ZNF623: variants seen among roughly 807,000 people sequenced by gnomAD.
ZNF623 encodes the protein zinc finger protein 623.
ZNF623 carries 16 observed loss-of-function variants against 24.0 expected under a neutral mutation model. The observed-to-expected ratio is 0.67, with a 90% CI of 0.45 to 1.01. The LOEUF (loss-of-function observed/expected upper bound fraction) is 1.01, where lower values mean the gene tolerates loss of function less well. ZNF623 is among the 50% of genes least tolerant of loss of function. ZNF623 has a pLI of 0.00. For missense variants in ZNF623, 566 were observed against 606.5 expected (o/e 0.93, Z 0.70); for synonymous variants, 224 against 219.8 (o/e 1.02, Z -0.17).
At position 143,636,886 on chromosome 8, in the gene ZNF623, G is replaced by T. The variant is rs112443372; in HGVS notation, c.-96+741G>T. ...TCCCTTCACACACAGGCTACGTCAT[G>T]GTCCAGGGACTCTCAGGGTCTGGGC... On this transcript the variant is annotated intron_variant, in intron 1 of 1. Coordinates refer to ENST00000526926, the MANE Select transcript of ZNF623 (RefSeq NM_001261843.2). Among the ~76,000 whole-genome samples, 137 of 152,298 alleles carry T rather than the reference G, an allele frequency of 9.0e-4. 2 individuals carry two copies. Among genetic ancestry groups the T allele is most frequent in the African/African-American group, 3.1e-3 (129 of 41,568 alleles).
chr8:143,649,289 A>G (rs548715049), intron 1 of ZNF623, among the ~76,000 whole-genome samples: 2 of 146,384 alleles, frequency 1.4e-5, no homozygotes, highest in Non-Finnish European at 1.5e-5. Flanking sequence ...AAAAAAAAAA[A>G]ACAAAAACAA....
In ZNF623 at chr8:143,650,551, A is replaced by G. The variant is rs1324693241; in HGVS notation, c.559A>G (p.Arg187Gly). Residue 187 changes from arginine (R) to glycine (G), a missense_variant, in exon 2 of 2, where the codon AGA becomes GGA. Transcript: ENST00000526926. The surrounding 1 kb of genome is among the most constrained non-coding windows in gnomAD (Gnocchi z 5.2). The stretch of plus-strand genomic sequence containing the variant: ...CAGTTCAGACCTGATTAGGCACCAG[A>G]GAGTTCACACCAGAGAGAGACCTTT... ...CHSSDLIRHQ[R>G]VHTRERPFEC... is the part of the protein sequence containing the mutation. The G allele has an allele frequency of 1.2e-6, 2 of 1,614,128 alleles. No individual in the cohort carries two copies. Among genetic ancestry groups the G allele is most frequent in the Admixed American group, 1.7e-5 (1 of 60,002 alleles).
intron 1 of ZNF623, among the ~76,000 whole-genome samples, chr8:143,647,574 C>T (rs937192754): frequency 3.9e-5 from 6 of 152,240 alleles, no homozygotes; most frequent in South Asian, 2.1e-4. Flanking sequence ...AGTCTTTCTA[C>T]GAAAGTGCAA....
chr8:143,644,947 G>A (rs1250036992), intron 1 of ZNF623, among the ~76,000 whole-genome samples: 3 of 150,704 alleles, frequency 2.0e-5, no homozygotes, highest in Non-Finnish European at 4.4e-5. Flanking sequence ...TAACCAACAC[G>A]GAGAAACCCC....
At chr8:143,639,183 T>G (rs1814992664) in intron 1 of ZNF623, among the ~76,000 whole-genome samples, 1 of 146,702 alleles carries the variant, frequency 6.8e-6, no homozygotes, top group African/African-American at 2.5e-5. Flanking sequence ...TGAGCCACCA[T>G]GTCCGGCCCA....
Position 143,650,528 on chromosome 8 carries a change from G to A in ZNF623, c.536G>A (p.Ser179Asn). 2 of 1,614,194 alleles carry A rather than the reference G, an allele frequency of 1.2e-6. No homozygotes were observed. The highest frequency in any genetic ancestry group is 1.3e-5 in the African/African-American group (1 of 75,040). The change falls in exon 2 of 2, where the codon AGT becomes AAT. Residue 179 changes from serine (S) to asparagine (N), a missense_variant. Ser to Asn is a conservative substitution (Grantham distance 46, BLOSUM62 1). Transcript: ENST00000526926. This position sits in a 1 kb window ranked among gnomAD's most constrained non-coding sequence, Gnocchi z 5.2. ...CAQCGKAFCH[S>N]SDLIRHQRVH... ...CAGTGTGGGAAGGCGTTTTGTCACAGTTCAGACCTGATTAGGCACCAGAGA... is the reference window on the plus strand; with the variant it reads ...CAGTGTGGGAAGGCGTTTTGTCACAATTCAGACCTGATTAGGCACCAGAGA...
chr8:143,644,464 C>T (rs998613913), intron 1 of ZNF623, among the ~76,000 whole-genome samples: 8 of 152,114 alleles, frequency 5.3e-5, no homozygotes, highest in African/African-American at 1.2e-4. Context: ...TACTGATCTT[C>T]GCAGTGGCCC....
At position 143,651,479 on chromosome 8, in the gene ZNF623, TATAAA is replaced by T. The variant is rs202122969; in HGVS notation, c.*1_*5del. On this transcript the variant is annotated stop_retained_variant and 3_prime_UTR_variant, in exon 2 of 2. Coordinates refer to ENST00000526926, the MANE Select transcript of ZNF623 (RefSeq NM_001261843.2). Reference sequence around the variant, plus strand: ...GATAAGGGGGAACACACAGGTAACTTATAAAATAATTACTTTCCCGCCCAGTGAGT... The same window carrying T: ...GATAAGGGGGAACACACAGGTAACTTATAATTACTTTCCCGCCCAGTGAGT... The T allele has an allele frequency of 1.7e-3, 2,708 of 1,556,808 alleles. 19 individuals are homozygous for T. In the African/African-American group the frequency reaches 0.02, roughly 11 times the overall value.
intron 1 of ZNF623, among the ~76,000 whole-genome samples, chr8:143,638,573 TA>T (rs1476629423): frequency 6.7e-6 from 1 of 149,082 alleles, no homozygotes; most frequent in African/African-American, 2.5e-5. Flanking sequence ...CCATCTGTAC[TA>T]AAAATGCAAA....
Position 143,650,245 on chromosome 8 carries a change from T to C in ZNF623, c.253T>C (p.Cys85Arg). 4 of 1,614,218 alleles carry C rather than the reference T, an allele frequency of 2.5e-6. No homozygotes were observed. Among genetic ancestry groups the C allele is most frequent in the Non-Finnish European group, 3.4e-6 (4 of 1,180,042 alleles). The change falls in exon 2 of 2, where the codon TGC becomes CGC. Residue 85 changes from cysteine (C) to arginine (R), a missense_variant. Cys to Arg is a radical substitution (Grantham distance 180, BLOSUM62 -3). Coordinates refer to ENST00000526926, the MANE Select transcript of ZNF623 (RefSeq NM_001261843.2). The surrounding 1 kb of genome is among the most constrained non-coding windows in gnomAD (Gnocchi z 5.2). The part of the protein sequence containing the change: ...RELIEGEANP[C>R]DICGKTFTFN... ...GCTCATAGAGGGGGAAGCCAATCCT[T>C]GCGATATCTGTGGCAAAACCTTCAC...
intron 1 of ZNF623, among the ~76,000 whole-genome samples, chr8:143,643,432 T>G (rs534287395): frequency 8.5e-5 from 13 of 152,322 alleles, no homozygotes; most frequent in Admixed American, 6.5e-4. Context: ...AGTGGATAAC[T>G]GGGAGAGGGC....
At chr8:143,643,008 G>A (rs996863829) in intron 1 of ZNF623, among the ~76,000 whole-genome samples, 10 of 152,192 alleles carry the variant, frequency 6.6e-5, no homozygotes, top group Admixed American at 2.6e-4. Flanking sequence ...AAGGGAGGTC[G>A]TCTGGGAGAG....
Position 143,651,680 on chromosome 8 carries a change from T to C in ZNF623, c.*197T>C. On this transcript the variant is annotated 3_prime_UTR_variant, in exon 2 of 2. Transcript: ENST00000526926. ...GCTGTGAGCACTGTCCTCAGGAGAGTCACAGGGCTTGACACCTGACTCTGA... is the reference window on the plus strand; with the variant it reads ...GCTGTGAGCACTGTCCTCAGGAGAGCCACAGGGCTTGACACCTGACTCTGA... 1.8e-6 allele frequency: 1 copy of C among 563,302 alleles called. No homozygotes were observed. The highest frequency in any genetic ancestry group is 3.1e-5 in the East Asian group (1 of 32,658). The allele number at this position is 563,302 out of a possible 1,614,324, so 34.9% of individuals were successfully genotyped here.
At chr8:143,641,977 C>T (rs181466891) in intron 1 of ZNF623, among the ~76,000 whole-genome samples, 33 of 152,354 alleles carry the variant, frequency 2.2e-4, no homozygotes, top group Non-Finnish European at 1.5e-4. Context: ...TCACCAGCTG[C>T]ATTCGCCCCT....
Position 143,651,716 on chromosome 8 carries a change from T to C in ZNF623, c.*233T>C. On this transcript the variant is annotated 3_prime_UTR_variant, in exon 2 of 2. Coordinates refer to ENST00000526926, the MANE Select transcript of ZNF623 (RefSeq NM_001261843.2). The stretch of plus-strand genomic sequence containing the variant: ...GACACCTGACTCTGAGCTGGAACAG[T>C]AGGGGCAGGGAGAAGACAGGTCTCA... 6.1e-6 allele frequency: 3 copies of C among 492,234 alleles called. No homozygotes were observed. The highest frequency in any genetic ancestry group is 1.1e-5 in the Non-Finnish European group (3 of 273,808). 30.5% of individuals were successfully genotyped at this position (492,234 alleles called of 1,614,324 possible).
intron 1 of ZNF623, among the ~76,000 whole-genome samples, chr8:143,639,267 G>A (rs985479666): frequency 6.6e-6 from 1 of 151,948 alleles, no homozygotes; most frequent in Non-Finnish European, 1.5e-5. Context: ...GCCCAGGCTG[G>A]AGTGCAATGG....
chr8:143,650,011 G>T lies in ZNF623; in HGVS notation c.19G>T (p.Glu7Ter), dbSNP rs150886774. Residue 7 changes from glutamate to a stop codon, truncating the protein, a stop_gained, in exon 2 of 2, where the codon GAG becomes TAG. Coordinates refer to ENST00000526926, the MANE Select transcript of ZNF623 (RefSeq NM_001261843.2). LOFTEE classifies it low-confidence loss of function (END_TRUNC). This position sits in a 1 kb window ranked among gnomAD's most constrained non-coding sequence, Gnocchi z 5.2. Reference protein sequence around the residue: MELPSPESEEVHEPRLG... With the variant: MELPSP ...CACGGTGATGGAGCTCCCCTCTCCCGAGTCTGAGGAAGTCCACGAGCCCAG... is the reference window on the plus strand; with the variant it reads ...CACGGTGATGGAGCTCCCCTCTCCCTAGTCTGAGGAAGTCCACGAGCCCAG... 1 of 1,614,030 alleles carries T rather than the reference G, an allele frequency of 6.2e-7. No homozygotes were observed. The highest frequency in any genetic ancestry group is 1.3e-5 in the African/African-American group (1 of 74,912).
At chr8:143,636,181 C>T (rs1814914529) in intron 1 of ZNF623, 36 bp downstream of exon 1, 2 of 152,204 alleles carry the variant, frequency 1.3e-5, no homozygotes, top group Middle Eastern at 3.4e-3. Context: ...CGGGCAACGC[C>T]TTAGCCGCAG....
chr8:143,647,844 G>A (rs1460939185), intron 1 of ZNF623, among the ~76,000 whole-genome samples: 14 of 152,334 alleles, frequency 9.2e-5, no homozygotes, highest in Admixed American at 2.6e-4. Context: ...GGTGAAAGGC[G>A]ATGGTGCAGA....
Sources: allele counts gnomAD v4.1 joint callset (sites outside exome capture counted in the v4.1 genomes callset), GRCh38; gene constraint gnomAD v4.1.1; non-coding constraint Gnocchi (gnomAD v3.1); transcripts MANE v1.5; gene names NCBI Gene and HGNC (gene_info 2026-07-23, HGNC 2026-07-21).